DOCK9: variants seen among roughly 807,000 people sequenced by gnomAD.
The protein encoded by DOCK9 is dedicator of cytokinesis protein 9.
A neutral mutation model predicts 263.3 loss-of-function variants in DOCK9; 89 were observed. That is an observed-to-expected ratio of 0.34 (90% confidence interval 0.28 to 0.40). The LOEUF is 0.40. Ranked by LOEUF, DOCK9 falls within the 10% of genes least tolerant of loss-of-function variation. DOCK9 has a pLI of 1.00. For synonymous variants in DOCK9, 976 were observed against 973.1 expected (o/e 1.00, Z -0.06); for missense variants, 2,140 against 2,603.4 (o/e 0.82, Z 3.87).
chr13:98,949,628 G>T, intron 2 of DOCK9: 1 of 167,528 alleles, frequency 6.0e-6, no homozygotes, highest in Non-Finnish European at 1.3e-5. Flanking sequence ...GATTAAGCAG[G>T]AAATAATCTT....
At chr13:98,834,568 G>A (rs1283041720) in intron 39 of DOCK9, 3 of 152,132 alleles carry the variant, frequency 2.0e-5, no homozygotes, top group African/African-American at 4.8e-5. Flanking sequence ...CACTAAAAAT[G>A]GAACTGCTAA....
intron 30 of DOCK9, among the ~76,000 whole-genome samples, chr13:98,866,891 T>C (rs2094042682): frequency 6.6e-6 from 1 of 152,224 alleles, no homozygotes; most frequent in Admixed American, 6.5e-5. Flanking sequence ...GTTACAGCAA[T>C]GTCTTAGTTC....
At chr13:99,066,718 G>T (rs2041435978) in intron 1 of DOCK9, among the ~76,000 whole-genome samples, 1 of 151,864 alleles carries the variant, frequency 6.6e-6, no homozygotes, top group Non-Finnish European at 1.5e-5. Context: ...GAAATTACCT[G>T]CATATAGCTA....
chr13:99,069,781 A>C (rs2041589256), intron 1 of DOCK9, among the ~76,000 whole-genome samples: 1 of 152,250 alleles, frequency 6.6e-6, no homozygotes, highest in Non-Finnish European at 1.5e-5. Context: ...TTAATGATTC[A>C]AGTTAATCGC....
chr13:98,901,231 C>T (rs1409375377), intron 13 of DOCK9, among the ~76,000 whole-genome samples: 1 of 152,190 alleles, frequency 6.6e-6, no homozygotes, highest in African/African-American at 2.4e-5. Flanking sequence ...CATGCCTAGG[C>T]ACTTCCCAAG....
chr13:98,880,665 T>G lies in DOCK9; in HGVS notation c.2753A>C (p.Tyr918Ser). ...SHLRSYVKYAYKAEPYVASEY... is the reference protein window; with the variant it reads ...SHLRSYVKYASKAEPYVASEY... ...AGAGGCAACATATGGCTCAGCCTTATACGCGTACTTTGAAGAAAAGAGAAA... is the reference window on the plus strand; with the variant it reads ...AGAGGCAACATATGGCTCAGCCTTAGACGCGTACTTTGAAGAAAAGAGAAA... The change falls in exon 26 of 53, where the codon TAT (tyrosine) becomes TCT (serine). Residue 918 changes from tyrosine to serine, a missense_variant. By Grantham distance (144) the Tyr-to-Ser change is moderately radical (BLOSUM62 -2). Transcript: ENST00000682017. The G allele has an allele frequency of 6.2e-7, 1 of 1,613,510 alleles. No individual in the cohort carries two copies. Among genetic ancestry groups the G allele is most frequent in the Non-Finnish European group, 8.5e-7 (1 of 1,179,698 alleles).
intron 1 of DOCK9, among the ~76,000 whole-genome samples, chr13:99,049,417 G>C (rs2040584080): frequency 6.6e-6 from 1 of 152,180 alleles, no homozygotes; most frequent in South Asian, 2.1e-4. Flanking sequence ...GCTGGGCATG[G>C]TGGCAAACGC....
chr13:99,063,116 A>G (rs2041264410), intron 1 of DOCK9, among the ~76,000 whole-genome samples: 1 of 152,268 alleles, frequency 6.6e-6, no homozygotes, highest in Non-Finnish European at 1.5e-5. Context: ...CTATGTCAGA[A>G]TATTAGAGAA....
rs1433040562 is a variant in DOCK9, at chr13:98,853,511, A to G, written c.3843T>C (p.Ser1281=). Residue 1281 remains serine, a synonymous_variant, in exon 35 of 53, where the codon AGT becomes AGC. Coordinates refer to ENST00000682017, the MANE Select transcript of DOCK9 (RefSeq NM_001366683.2). ...GAACCACGGAATTTCCCAATGTGCT[A>G]CTTTGTTGGTGCTAAAAAGAAAATA... ...KSNSLDKHQQ[S]STLGNSVVRC... 1 of 1,611,758 alleles carries G rather than the reference A, an allele frequency of 6.2e-7. No individual in the cohort carries two copies. The highest frequency in any genetic ancestry group is 2.2e-5 in the East Asian group (1 of 44,854).
At chr13:98,900,656 C>T (rs1345079446) in intron 13 of DOCK9, among the ~76,000 whole-genome samples, 1 of 152,198 alleles carries the variant, frequency 6.6e-6, no homozygotes, top group African/African-American at 2.4e-5. Flanking sequence ...TTGATCCTAA[C>T]ACTGTCCCTA....
intron 16 of DOCK9, 39 bp from the exon 17 acceptor site, chr13:98,888,586 C>T: frequency 1.2e-6 from 2 of 1,612,454 alleles, no homozygotes; most frequent in Middle Eastern, 1.7e-4. Flanking sequence ...TGAAGTAAAA[C>T]CCAAACTAAT....
intron 1 of DOCK9, among the ~76,000 whole-genome samples, chr13:99,072,378 T>C (rs2041719541): frequency 6.6e-6 from 1 of 152,168 alleles, no homozygotes; most frequent in South Asian, 2.1e-4. Flanking sequence ...TTCATTGTCT[T>C]TGGTGTTGAA....
In DOCK9 at chr13:98,878,757, T is replaced by C. The variant is rs148997789; in HGVS notation, c.2943+1141A>G. On this transcript the variant is annotated intron_variant, in intron 27 of 52. Transcript: ENST00000682017. ...AGAAAAAAGAAAAGGAGAAACCACC[T>C]GGCCAGGCCCAGTGTCTGCTTTACG... Among the ~76,000 whole-genome samples the C allele has an allele frequency of 1.9e-3, 295 of 152,338 alleles. 3 individuals are homozygous for C. Among genetic ancestry groups the C allele is most frequent in the African/African-American group, 6.7e-3 (279 of 41,580 alleles).
upstream of DOCK9, among the ~76,000 whole-genome samples, chr13:98,981,010 A>T (rs9517524): frequency 0.15 from 22,784 of 151,906 alleles, 2,379 homozygotes; most frequent in East Asian, 0.43. Context: ...ATAATATATA[A>T]CATCAAAAGG....
chr13:98,902,250 A>C, intron 12 of DOCK9, 38 bp downstream of exon 12: 1 of 1,605,022 alleles, frequency 6.2e-7, no homozygotes, highest in Non-Finnish European at 8.5e-7. Flanking sequence ...ATGCAAAGTG[A>C]GTCTGAGTAG....
intron 2 of DOCK9, among the ~76,000 whole-genome samples, chr13:98,938,239 T>C (rs1052624308): frequency 1.3e-5 from 2 of 152,246 alleles, no homozygotes; most frequent in Admixed American, 6.5e-5. Flanking sequence ...ATTCAACTTC[T>C]GATCTTAGAA....
intron 1 of DOCK9, among the ~76,000 whole-genome samples, chr13:99,002,888 C>T (rs1882643163): frequency 6.6e-6 from 1 of 152,190 alleles, no homozygotes; most frequent in African/African-American, 2.4e-5. Context: ...TGTTCCTTGG[C>T]TTCCTCATCT....
intron 1 of DOCK9, among the ~76,000 whole-genome samples, chr13:98,971,976 C>T (rs1371933932): frequency 2.0e-5 from 3 of 152,112 alleles, no homozygotes; most frequent in African/African-American, 7.2e-5. Context: ...TGTGTTTTTC[C>T]TTTCTTGTTT....
intron 37 of DOCK9, among the ~76,000 whole-genome samples, chr13:98,846,340 A>G (rs980461090): frequency 2.0e-5 from 3 of 152,234 alleles, no homozygotes; most frequent in African/African-American, 4.8e-5. Flanking sequence ...CATCACTCCA[A>G]TGCAGTACTA....
Sources: gnomAD v4.1 joint callset for allele counts (sites outside exome capture counted in the v4.1 genomes callset) on GRCh38, gnomAD v4.1.1 for gene constraint, MANE v1.5 for transcripts, NCBI Gene and HGNC (gene_info 2026-07-23, HGNC 2026-07-21) for gene names.